Variants in ITPR1 observed in about 807,000 individuals in gnomAD.
ITPR1 encodes the protein inositol 1,4,5-trisphosphate receptor type 1, also known as inositol 1,4,5-trisphosphate-gated calcium channel ITPR1.
ITPR1 carries 96 observed loss-of-function variants against 318.4 expected under a neutral mutation model. The ratio of observed to expected loss-of-function variants is 0.30; its 90% CI spans 0.26 to 0.36. The LOEUF is 0.36. Ranked by LOEUF, ITPR1 falls within the 10% of genes least tolerant of loss-of-function variation. The probability of loss-of-function intolerance (pLI) is 1.00; values close to 1 mark genes in which losing one functional copy is unlikely to be tolerated. For missense variants in ITPR1, 2,440 were observed against 3,460.2 expected (o/e 0.71, Z 7.40); for synonymous variants, 1,312 against 1,289.9 (o/e 1.02, Z -0.37).
chr3:4,523,519 A>G (rs1267170745), intron 4 of ITPR1, among the ~76,000 whole-genome samples: 1 of 152,144 alleles, frequency 6.6e-6, no homozygotes, highest in Non-Finnish European at 1.5e-5. Flanking sequence ...TGTGTTGTAC[A>G]GTAGATCTCT....
intron 4 of ITPR1, among the ~76,000 whole-genome samples, chr3:4,550,164 G>A (rs1434303746): frequency 6.6e-6 from 1 of 151,718 alleles, no homozygotes; most frequent in Non-Finnish European, 1.5e-5. Flanking sequence ...ATTCTCGGTG[G>A]GGTTAATTTC....
intron 44 of ITPR1, among the ~76,000 whole-genome samples, chr3:4,759,139 C>T (rs2045246813): frequency 6.6e-6 from 1 of 152,232 alleles, no homozygotes; most frequent in African/African-American, 2.4e-5. Context: ...GTGGCCGTCA[C>T]TGTCCACTAG....
At chr3:4,500,813 A>G (rs771639280) in intron 2 of ITPR1, among the ~76,000 whole-genome samples, 1 of 152,150 alleles carries the variant, frequency 6.6e-6, no homozygotes. Flanking sequence ...GTGGAAACCC[A>G]CTAAGAGGTT....
chr3:4,773,951 C>T (rs971193937), intron 46 of ITPR1, among the ~76,000 whole-genome samples: 1 of 152,206 alleles, frequency 6.6e-6, no homozygotes, highest in African/African-American at 2.4e-5. Flanking sequence ...AGCTCTTAAC[C>T]TGTGCATTTA....
At chr3:4,838,030 C>T (rs150482112) in intron 61 of ITPR1, among the ~76,000 whole-genome samples, 113 of 152,132 alleles carry the variant, frequency 7.4e-4, no homozygotes, top group African/African-American at 2.2e-3. Context: ...TAATGAAGAC[C>T]GCATCTAGAA....
chr3:4,526,278 G>A (rs1431214487), intron 4 of ITPR1, among the ~76,000 whole-genome samples: 2 of 152,202 alleles, frequency 1.3e-5, no homozygotes, highest in Non-Finnish European at 2.9e-5. Context: ...AAAAAATGAG[G>A]TGAAAGGAAT....
chr3:4,633,273 C>T (rs907674468), intron 5 of ITPR1, among the ~76,000 whole-genome samples: 2 of 152,266 alleles, frequency 1.3e-5, no homozygotes, highest in Admixed American at 1.3e-4. Context: ...TCACTTTCTG[C>T]AGTTCCTACT....
chr3:4,578,689 G>A (rs748168465), intron 4 of ITPR1, among the ~76,000 whole-genome samples: 6 of 152,188 alleles, frequency 3.9e-5, no homozygotes, highest in East Asian at 1.9e-4. Context: ...TTGTGTATGA[G>A]ATTTAAACGT....
At chr3:4,624,642 C>T (rs559865236) in intron 4 of ITPR1, among the ~76,000 whole-genome samples, 78 of 146,382 alleles carry the variant, frequency 5.3e-4, no homozygotes, top group South Asian at 5.0e-3. Context: ...TGCACTCCAG[C>T]CTGGGCAACA....
chr3:4,496,315 A>ATGTGTG lies in ITPR1; in HGVS notation c.-17+1825_-17+1830dup, dbSNP rs61120521. On this transcript the variant is annotated intron_variant, in intron 2 of 61. Transcript: ENST00000649015. ...GTTCTCCATTTTTTCTTTCAAGTTC[A>ATGTGTG]TGTGTGTGTGTGTGTGTGTGTATGC... Among the ~76,000 whole-genome samples the ATGTGTG allele has an allele frequency of 1.8e-3, 266 of 151,154 alleles. 2 individuals carry two copies. The highest frequency in any genetic ancestry group is 5.8e-3 in the African/African-American group (239 of 41,252).
At chr3:4,682,533 A>G (rs1052915067) in intron 26 of ITPR1, among the ~76,000 whole-genome samples, 1 of 152,230 alleles carries the variant, frequency 6.6e-6, no homozygotes, top group South Asian at 2.1e-4. Context: ...TGCTTAATAT[A>G]AAACCTGTGA....
In ITPR1 at chr3:4,699,815, C is replaced by A. The variant is rs1203059902; in HGVS notation, c.4410C>A (p.Ala1470=). ...FENFLVDICR[A]CNNTSDRKHA... is the part of the protein sequence containing the mutation. ...TAACATACCCACTTGTCTTCCAGGC[C>A]TGTAACAACACTAGTGACAGGAAAC... Residue 1470 remains alanine (A), a splice_region_variant and synonymous_variant, in exon 35 of 62, where the codon GCC becomes GCA. Coordinates refer to ENST00000649015, the MANE Select transcript of ITPR1 (RefSeq NM_001378452.1). The A allele has an allele frequency of 6.2e-7, 1 of 1,613,826 alleles. No homozygotes were observed. Among genetic ancestry groups the A allele is most frequent in the South Asian group, 1.1e-5 (1 of 91,076 alleles).
intron 51 of ITPR1, among the ~76,000 whole-genome samples, chr3:4,784,768 A>G (rs13060980): frequency 0.43 from 65,052 of 149,594 alleles, 15,083 homozygotes; most frequent in Non-Finnish European, 0.51. Context: ...GTGGTGGCAC[A>G]CGCCTGTAAT....
At chr3:4,655,027 G>A (rs960163071) in intron 12 of ITPR1, among the ~76,000 whole-genome samples, 1 of 151,984 alleles carries the variant, frequency 6.6e-6, no homozygotes, top group Non-Finnish European at 1.5e-5. Flanking sequence ...CAGTTAATAT[G>A]GCTTGGAAAA....
chr3:4,684,357 C>A lies in ITPR1; in HGVS notation c.3564+11C>A, dbSNP rs1211925721. 1.3e-6 allele frequency: 2 copies of A among 1,591,016 alleles called. No homozygotes were observed. Among genetic ancestry groups the A allele is most frequent in the Non-Finnish European group, 1.7e-6 (2 of 1,160,306 alleles). ...AGAGTGGTCAAAGAGGTAAGCTCCT[C>A]CCCCACCACCATTTTTCCTTTCTTT... On this transcript the variant is annotated intron_variant, in intron 29 of 61. Coordinates refer to ENST00000649015, the MANE Select transcript of ITPR1 (RefSeq NM_001378452.1).
chr3:4,676,515 T>A (rs1290980875), intron 23 of ITPR1, 99 bp from the exon 24 acceptor site: 3 of 801,138 alleles, frequency 3.7e-6, no homozygotes, highest in South Asian at 1.8e-5. Context: ...AATAGGGATA[T>A]GTTAAATAAT....
chr3:4,759,228 T>A (rs1339468431), intron 44 of ITPR1, among the ~76,000 whole-genome samples: 1 of 152,234 alleles, frequency 6.6e-6, no homozygotes, highest in Non-Finnish European at 1.5e-5. Context: ...TGCAAGGACT[T>A]GCAGGGCTGG....
At chr3:4,535,057 A>T (rs761950936) in intron 4 of ITPR1, among the ~76,000 whole-genome samples, 1 of 152,162 alleles carries the variant, frequency 6.6e-6, no homozygotes, top group Non-Finnish European at 1.5e-5. Flanking sequence ...TCTCTAGTAC[A>T]TAAACCAGTA....
Position 4,826,688 on chromosome 3 carries a change from A to C in ITPR1, c.8028+8446A>C, listed in dbSNP as rs1305756778. Among the ~76,000 whole-genome samples, 2 of 152,200 alleles carry C rather than the reference A, an allele frequency of 1.3e-5. No homozygotes were observed. Among genetic ancestry groups the C allele is most frequent in the Non-Finnish European group, 2.9e-5 (2 of 68,032 alleles). ...TCTGCCCTTTAGTCTAGGGAGGATG[A>C]AATCACCCCTTGTTCCGTGCAGCAC... On this transcript the variant is annotated intron_variant, in intron 60 of 61. Coordinates refer to ENST00000649015, the MANE Select transcript of ITPR1 (RefSeq NM_001378452.1). This position sits in a 1 kb window ranked among gnomAD's most constrained non-coding sequence, Gnocchi z 4.2.
Sources: gnomAD v4.1 joint callset for allele counts (sites outside exome capture counted in the v4.1 genomes callset) on GRCh38, gnomAD v4.1.1 for gene constraint, Gnocchi (gnomAD v3.1) non-coding constraint, MANE v1.5 for transcripts, NCBI Gene and HGNC (gene_info 2026-07-23, HGNC 2026-07-21) for gene names.